FRMPD4: variants seen among roughly 807,000 people sequenced by gnomAD.
FRMPD4 encodes the protein FERM and PDZ domain-containing protein 4.
In FRMPD4, 22 loss-of-function variants were observed where a neutral mutation model predicts 94.1. The observed-to-expected ratio is 0.23, with a 90% CI of 0.17 to 0.33. The LOEUF (loss-of-function observed/expected upper bound fraction) is 0.33. Ranked by LOEUF, FRMPD4 falls within the 10% of genes least tolerant of loss-of-function variation. The pLI, the probability that FRMPD4 is intolerant of heterozygous loss-of-function variation, is 1.00. For missense variants in FRMPD4, 1,111 were observed against 1,339.9 expected (o/e 0.83, Z 2.67); for synonymous variants, 631 against 548.6 (o/e 1.15, Z -2.10).
chrX:12,228,589 T>C (rs1416394697), intron 1 of FRMPD4, among the ~76,000 whole-genome samples: 3 of 112,375 alleles, frequency 2.7e-5, no homozygotes, highest in African/African-American at 9.7e-5. Flanking sequence ...ATTTCTGATA[T>C]TGACACTGGT....
chrX:12,583,482 T>A, intron 2 of FRMPD4: 1 of 1,193,588 alleles, frequency 8.4e-7, no homozygotes, highest in Non-Finnish European at 1.1e-6. Context: ...CTTCGGGAAC[T>A]TTCACCCACG....
chrX:11,897,987 G>A (rs1365214336), intron 3 of FRMPD4, among the ~76,000 whole-genome samples: 1 of 111,614 alleles, frequency 9.0e-6, no homozygotes, highest in East Asian at 2.8e-4. Context: ...AAATCCAGAA[G>A]GAAATGAGAG....
rs533058495 is a variant in FRMPD4, at chrX:12,564,603, G to C, written c.159-45118G>C. Among the ~76,000 whole-genome samples, 18 of 111,975 alleles carry C rather than the reference G, an allele frequency of 1.6e-4. No homozygotes were observed. The South Asian group carries it at 6.0e-3, about 37-fold the overall frequency. ...CAACAACAGGTACTTAGTATAATAA[G>C]TGAACTTTATACTCAGTAAGTCATT... On this transcript the variant is annotated intron_variant, in intron 2 of 16. Coordinates refer to ENST00000675598, the MANE Select transcript of FRMPD4 (RefSeq NM_001368397.1).
chrX:12,344,678 CA>C (rs2055672531), intron 1 of FRMPD4, among the ~76,000 whole-genome samples: 1 of 112,310 alleles, frequency 8.9e-6, no homozygotes. Context: ...AACCAAAGAG[CA>C]TTTATCTTTT....
intron 3 of FRMPD4, among the ~76,000 whole-genome samples, chrX:11,992,925 C>A (rs1198870051): frequency 9.2e-6 from 1 of 108,887 alleles, no homozygotes; most frequent in Non-Finnish European, 1.9e-5. Context: ...AATGCACAAC[C>A]AACAAATACT....
At chrX:12,210,641 G>A (rs2056744678) in intron 1 of FRMPD4, among the ~76,000 whole-genome samples, 1 of 110,402 alleles carries the variant, frequency 9.1e-6, no homozygotes, top group Non-Finnish European at 1.9e-5. Flanking sequence ...GTAGCTTGGC[G>A]GTGCTCCCAG....
intron 1 of FRMPD4, among the ~76,000 whole-genome samples, chrX:12,443,286 C>A (rs2057159139): frequency 9.0e-6 from 1 of 111,572 alleles, no homozygotes. Flanking sequence ...ACAACGCAAG[C>A]CACATGTATA....
intron 1 of FRMPD4, among the ~76,000 whole-genome samples, chrX:12,230,846 C>T (rs1276661441): frequency 2.2e-5 from 2 of 92,608 alleles, no homozygotes; most frequent in Admixed American, 1.4e-4. Flanking sequence ...AACTACAAAG[C>T]ACTATTAAAA....
chrX:12,110,518 G>T (rs1311885721), intron 3 of FRMPD4, among the ~76,000 whole-genome samples: 1 of 111,653 alleles, frequency 9.0e-6, no homozygotes, highest in African/African-American at 3.3e-5. Context: ...ACAAGACAGG[G>T]ATGCCCTCTC....
chrX:12,527,820 G>A (rs2058242032), intron 2 of FRMPD4, among the ~76,000 whole-genome samples: 1 of 111,993 alleles, frequency 8.9e-6, no homozygotes, highest in Admixed American at 9.5e-5. Context: ...GCCGTTGTTG[G>A]AATTTTTCCT....
intron 5 of FRMPD4, 79 bp from the exon 6 acceptor site, chrX:12,683,404 T>C (rs563811053): frequency 1.9e-6 from 1 of 523,153 alleles, no homozygotes; most frequent in African/African-American, 2.4e-5. Flanking sequence ...AATTATTGCA[T>C]ACCTAAGATG....
chrX:11,933,752 G>T (rs1400721919), intron 3 of FRMPD4, among the ~76,000 whole-genome samples: 5 of 111,347 alleles, frequency 4.5e-5, no homozygotes, highest in Non-Finnish European at 9.4e-5. Flanking sequence ...GCTTTGTGGG[G>T]TTTTTTTTAG....
chrX:12,376,898 G>A (rs2056246587), intron 1 of FRMPD4, among the ~76,000 whole-genome samples: 2 of 112,445 alleles, frequency 1.8e-5, no homozygotes, highest in Admixed American at 1.9e-4. Context: ...AGACCTGAGT[G>A]ATGACAGTCT....
intron 1 of FRMPD4, among the ~76,000 whole-genome samples, chrX:12,382,530 GAGCAT>G (rs59601417): frequency 3.5e-4 from 16 of 45,616 alleles, no homozygotes; most frequent in Non-Finnish European, 5.1e-4. Context: ...GCATAGCATA[GAGCAT>G]AGCATAGCAT....
At chrX:11,967,765 T>TG (rs1010227141) in intron 3 of FRMPD4, among the ~76,000 whole-genome samples, 3 of 102,849 alleles carry the variant, frequency 2.9e-5, no homozygotes, top group African/African-American at 1.1e-4. Flanking sequence ...TGTTTTTTTT[T>TG]TTTTTTTTTT....
chrX:12,329,308 A>G (rs1395668278), intron 1 of FRMPD4, among the ~76,000 whole-genome samples: 1 of 111,411 alleles, frequency 9.0e-6, no homozygotes, highest in African/African-American at 3.3e-5. Flanking sequence ...TTTCCACACA[A>G]AAAAGCAGAG....
intron 4 of FRMPD4, among the ~76,000 whole-genome samples, chrX:12,663,608 T>C (rs1302134496): frequency 6.2e-5 from 7 of 112,142 alleles, no homozygotes; most frequent in Non-Finnish European, 1.9e-5. Context: ...ACTGTAGCCT[T>C]GTAGTATAGT....
chrX:11,967,059 A>AAAAAG (rs377304433), intron 3 of FRMPD4, among the ~76,000 whole-genome samples: 6 of 112,125 alleles, frequency 5.4e-5, no homozygotes, highest in Non-Finnish European at 3.8e-5. Context: ...AGCAAAAAGA[A>AAAAAG]AAAAGAAAAG....
At chrX:12,257,677 G>A (rs994527575) in intron 1 of FRMPD4, among the ~76,000 whole-genome samples, 20 of 111,271 alleles carry the variant, frequency 1.8e-4, no homozygotes, top group Non-Finnish European at 3.2e-4. Flanking sequence ...TTAATTATAT[G>A]GCTTTGGAAA....
Sources: gnomAD v4.1 joint callset for allele counts (sites outside exome capture counted in the v4.1 genomes callset) on GRCh38, gnomAD v4.1.1 for gene constraint, MANE v1.5 for transcripts, NCBI Gene and HGNC (gene_info 2026-07-23, HGNC 2026-07-21) for gene names.